FHIT: variants seen among roughly 807,000 people sequenced by gnomAD.
FHIT encodes fragile histidine triad diadenosine triphosphatase.
Under a neutral mutation model 17.9 loss-of-function variants are expected in FHIT, and 19 were observed. The ratio of observed to expected loss-of-function variants is 1.06; its 90% CI spans 0.74 to 1.56. The LOEUF (loss-of-function observed/expected upper bound fraction) is 1.56. Among genes scored for constraint, FHIT ranks in the 40% most tolerant of loss-of-function variants. FHIT has a pLI of 0.00. For synonymous variants in FHIT, 81 were observed against 69.7 expected, an observed-to-expected ratio of 1.16 and a Z score of -0.81; for missense variants, 248 against 189.2, an observed-to-expected ratio of 1.31 and a Z score of -1.82.
At chr3:60,532,982 TACAAA>T (rs2107590992) in intron 5 of FHIT, among the ~76,000 whole-genome samples, 1 of 152,176 alleles carries the variant, frequency 6.6e-6, no homozygotes, top group South Asian at 2.1e-4. Flanking sequence ...TCATCAAACA[TACAAA>T]ATAAAATGTT....
chr3:60,591,744 A>G (rs1479793294), intron 4 of FHIT, among the ~76,000 whole-genome samples: 1 of 152,052 alleles, frequency 6.6e-6, no homozygotes, highest in East Asian at 1.9e-4. Context: ...GTTCGTTCAA[A>G]TACACGGCAG....
At chr3:60,577,181 A>T (rs2037598499) in intron 4 of FHIT, among the ~76,000 whole-genome samples, 1 of 152,186 alleles carries the variant, frequency 6.6e-6, no homozygotes, top group Admixed American at 6.5e-5. Flanking sequence ...GTTTGGTACT[A>T]CATGGTTCTG....
rs147950571 is a variant in FHIT at position 60,383,439 on chromosome 3, G to C, written c.103+153421C>G. Among the ~76,000 whole-genome samples the C allele has an allele frequency of 7.3e-3, 1,107 of 151,814 alleles. 4 individuals carry two copies. Among genetic ancestry groups the C allele is most frequent in the Non-Finnish European group, 0.011 (740 of 67,954 alleles). Reference sequence around the variant, plus strand: ...TTTGGCAATGTCTACTGATATTTTTGGTTCTCATAATTGGAGGTGAGAGTG... The same window carrying C: ...TTTGGCAATGTCTACTGATATTTTTCGTTCTCATAATTGGAGGTGAGAGTG... On this transcript the variant is annotated intron_variant, in intron 5 of 9. Coordinates refer to ENST00000492590, the MANE Select transcript of FHIT (RefSeq NM_002012.4).
At chr3:60,575,859 A>T (rs1295102155) in intron 4 of FHIT, among the ~76,000 whole-genome samples, 2 of 152,182 alleles carry the variant, frequency 1.3e-5, no homozygotes, top group African/African-American at 4.8e-5. Flanking sequence ...CAACGGGAGG[A>T]AGCCATGACT....
At chr3:61,232,201 T>C (rs2040122461) in intron 1 of FHIT, among the ~76,000 whole-genome samples, 1 of 151,992 alleles carries the variant, frequency 6.6e-6, no homozygotes, top group African/African-American at 2.4e-5. Context: ...CTGGCCAACA[T>C]GGCGAAACCC....
In FHIT at chr3:60,470,383, T is replaced by C. The variant is rs191978973; in HGVS notation, c.103+66477A>G. 1.6e-3 allele frequency among the ~76,000 whole-genome samples: 243 copies of C among 152,156 alleles called. 4 individuals carry two copies. Among genetic ancestry groups the C allele is most frequent in the African/African-American group, 3.5e-3 (147 of 41,514 alleles). ...GAGTTGGGAAATTTAGAAATCTACT[T>C]GGTGCTCTATTCTACCGCAGCTAAG... On this transcript the variant is annotated intron_variant, in intron 5 of 9. Transcript: ENST00000492590.
chr3:60,210,716 C>A (rs1054423187), intron 5 of FHIT, among the ~76,000 whole-genome samples: 1 of 152,114 alleles, frequency 6.6e-6, no homozygotes, highest in African/African-American at 2.4e-5. Flanking sequence ...CCTCACCTAT[C>A]TGACAGGAAA....
At chr3:59,902,264 G>A (rs1248213056) in intron 8 of FHIT, among the ~76,000 whole-genome samples, 3 of 152,146 alleles carry the variant, frequency 2.0e-5, no homozygotes, top group Admixed American at 1.3e-4. Flanking sequence ...CATCTCACAC[G>A]TGTTAGGATG....
intron 4 of FHIT, among the ~76,000 whole-genome samples, chr3:60,748,424 C>A (rs1187125531): frequency 1.3e-5 from 2 of 152,122 alleles, no homozygotes; most frequent in Non-Finnish European, 2.9e-5. Context: ...GGTTCCAGGA[C>A]CCTCTCTCGC....
At chr3:60,450,567 G>C (rs1011003607) in intron 5 of FHIT, among the ~76,000 whole-genome samples, 27 of 152,130 alleles carry the variant, frequency 1.8e-4, no homozygotes, top group African/African-American at 6.5e-4. Flanking sequence ...CATAATGAGA[G>C]AAAGATAATG....
intron 2 of FHIT, among the ~76,000 whole-genome samples, chr3:61,178,256 G>C (rs1458038208): frequency 6.6e-6 from 1 of 151,994 alleles, no homozygotes; most frequent in South Asian, 2.1e-4. Flanking sequence ...CAACAACCTT[G>C]ATGAGAGGTG....
At chr3:60,895,722 CTTTCTTTCTTT>C (rs1705773560) in intron 3 of FHIT, among the ~76,000 whole-genome samples, 2 of 91,578 alleles carry the variant, frequency 2.2e-5, no homozygotes, top group African/African-American at 7.2e-5. Context: ...TTCTTTCTTT[CTTTCTTTCTTT>C]CTTCTTTCTT....
At chr3:60,272,673 A>C (rs555657760) in intron 5 of FHIT, among the ~76,000 whole-genome samples, 16 of 152,234 alleles carry the variant, frequency 1.1e-4, no homozygotes, top group Admixed American at 3.3e-4. Context: ...GTACAAACTG[A>C]GTTTGAAGTC....
At chr3:60,451,210 G>A (rs537438526) in intron 5 of FHIT, among the ~76,000 whole-genome samples, 1 of 151,902 alleles carries the variant, frequency 6.6e-6, no homozygotes, top group Non-Finnish European at 1.5e-5. Flanking sequence ...CAGTGCTCCT[G>A]AAGTCAATAA....
At chr3:59,815,743 G>A (rs1300228493) in intron 8 of FHIT, among the ~76,000 whole-genome samples, 1 of 152,126 alleles carries the variant, frequency 6.6e-6, no homozygotes, top group African/African-American at 2.4e-5. Context: ...AGGGAAAAGA[G>A]TGGGAGGGGG....
At chr3:60,056,681 G>A (rs1702096842) in intron 5 of FHIT, among the ~76,000 whole-genome samples, 1 of 152,194 alleles carries the variant, frequency 6.6e-6, no homozygotes, top group African/African-American at 2.4e-5. Flanking sequence ...CAGGAAAGCA[G>A]AAGCATTTCT....
At chr3:59,947,320 T>C (rs1412635198) in intron 7 of FHIT, among the ~76,000 whole-genome samples, 1 of 152,190 alleles carries the variant, frequency 6.6e-6, no homozygotes, top group Non-Finnish European at 1.5e-5. Context: ...TAATAGTCTC[T>C]GGGGAGTTTT....
intron 8 of FHIT, among the ~76,000 whole-genome samples, chr3:59,843,696 T>G (rs1180396917): frequency 6.6e-6 from 1 of 152,198 alleles, no homozygotes; most frequent in Non-Finnish European, 1.5e-5. Context: ...TGTTAGTGGA[T>G]AAAAATGCAA....
At chr3:60,374,473 G>GA (rs1025579710) in intron 5 of FHIT, among the ~76,000 whole-genome samples, 28 of 150,812 alleles carry the variant, frequency 1.9e-4, no homozygotes, top group African/African-American at 4.9e-4. Context: ...ATATCACTTG[G>GA]AAAAAAAACA....
Sources: allele counts gnomAD v4.1 joint callset (sites outside exome capture counted in the v4.1 genomes callset), GRCh38; gene constraint gnomAD v4.1.1; transcripts MANE v1.5; gene names NCBI Gene and HGNC (gene_info 2026-07-23, HGNC 2026-07-21).